ACSS3: variants seen among roughly 807,000 people sequenced by gnomAD.
The protein encoded by ACSS3 is acyl-CoA synthetase short chain family member 3, also known as acyl-CoA synthetase short-chain family member 3, mitochondrial.
In ACSS3, 64 loss-of-function variants were observed where a neutral mutation model predicts 84.2. The observed-to-expected ratio is 0.76, with a 90% CI of 0.62 to 0.94. The LOEUF (loss-of-function observed/expected upper bound fraction) is 0.94. ACSS3 is among the 40% of genes least tolerant of loss of function. The probability of loss-of-function intolerance (pLI) is 0.00; values close to 1 mark genes in which losing one functional copy is unlikely to be tolerated. For synonymous variants in ACSS3, 317 were observed against 310.1 expected, an observed-to-expected ratio of 1.02 and a Z score of -0.23; for missense variants, 815 against 867.6, an observed-to-expected ratio of 0.94 and a Z score of 0.76.
intron 5 of ACSS3, among the ~76,000 whole-genome samples, chr12:81,146,839 T>G (rs1279875662): frequency 2.0e-5 from 3 of 152,154 alleles, no homozygotes; most frequent in African/African-American, 7.2e-5. Context: ...TTGTTCAGTT[T>G]GATATCATAA....
At chr12:81,157,333 T>G (rs1195525619) in intron 7 of ACSS3, among the ~76,000 whole-genome samples, 4 of 152,170 alleles carry the variant, frequency 2.6e-5, no homozygotes, top group Admixed American at 2.6e-4. Flanking sequence ...ATCAGAAAAC[T>G]AGTAATTGAA....
chr12:81,178,599 A>C (rs982419940), intron 8 of ACSS3, among the ~76,000 whole-genome samples: 2 of 152,172 alleles, frequency 1.3e-5, no homozygotes, highest in Non-Finnish European at 2.9e-5. Context: ...GTAGGTGAAA[A>C]ATCTCTACAA....
chr12:81,095,043 T>A lies in ACSS3; in HGVS notation c.312-14517T>A, dbSNP rs1368922244. On this transcript the variant is annotated intron_variant, in intron 1 of 15. Coordinates refer to ENST00000548058, the MANE Select transcript of ACSS3 (RefSeq NM_024560.4). ...TGCTTCTGTTTTTTCCAACAAATAC[T>A]AGCTGTCATTAGGCAGAGTACACCC... Among the ~76,000 whole-genome samples, 8 of 152,308 alleles carry A rather than the reference T, an allele frequency of 5.3e-5. No individual in the cohort carries two copies. In the East Asian group the frequency reaches 1.5e-3, roughly 29 times the overall value.
chr12:81,181,355 C>T (rs529321901), intron 8 of ACSS3, among the ~76,000 whole-genome samples: 4 of 152,268 alleles, frequency 2.6e-5, no homozygotes, highest in African/African-American at 7.2e-5. Flanking sequence ...TGCACTCTGC[C>T]CAACCGATGC....
At chr12:81,149,527 C>A (rs1389132478) in intron 5 of ACSS3, among the ~76,000 whole-genome samples, 1 of 152,074 alleles carries the variant, frequency 6.6e-6, no homozygotes, top group African/African-American at 2.4e-5. Context: ...TGCACCATAT[C>A]AAATACTCAG....
rs553606649 is a variant in ACSS3, at chr12:81,218,357, C to T, written c.1450+1361C>T. ...TAGCTTTGGGAGACAAAATATGATT[C>T]CTAACATATGTTTCTTATTTGCATA... On this transcript the variant is annotated intron_variant, in intron 10 of 15. Transcript: ENST00000548058. Among the ~76,000 whole-genome samples the T allele has an allele frequency of 5.8e-4, 88 of 152,204 alleles. 3 individuals are homozygous for T. The South Asian group carries it at 0.017, about 30-fold the overall frequency.
intron 13 of ACSS3, among the ~76,000 whole-genome samples, chr12:81,235,468 TC>T (rs963760229): frequency 1.3e-5 from 2 of 151,332 alleles, no homozygotes; most frequent in Non-Finnish European, 3.0e-5. Context: ...CTATACTAGT[TC>T]CTTTAGGTAT....
At chr12:81,196,244 C>G (rs143128099) in intron 8 of ACSS3, among the ~76,000 whole-genome samples, 315 of 152,250 alleles carry the variant, frequency 2.1e-3, no homozygotes, top group African/African-American at 7.2e-3. Flanking sequence ...TGATCTACCT[C>G]TACACTCTCC....
intron 4 of ACSS3, 134 bp downstream of exon 4, chr12:81,139,399 A>AT (rs1419734101): frequency 9.7e-7 from 1 of 1,030,200 alleles, no homozygotes; most frequent in Non-Finnish European, 1.4e-6. Context: ...ATTTCTAAAA[A>AT]ATATATGAAT....
chr12:81,123,971 T>C (rs1884862844), intron 2 of ACSS3, among the ~76,000 whole-genome samples: 1 of 152,214 alleles, frequency 6.6e-6, no homozygotes, highest in Non-Finnish European at 1.5e-5. Context: ...ATTTATTTTC[T>C]ACCAAATATT....
intron 1 of ACSS3, among the ~76,000 whole-genome samples, chr12:81,094,938 T>C (rs140388608): frequency 7.1e-4 from 108 of 152,314 alleles, no homozygotes; most frequent in African/African-American, 2.5e-3. Flanking sequence ...ATCGTGCTGC[T>C]GCTGCTCTTT....
At chr12:81,111,854 A>G (rs148811722) in intron 2 of ACSS3, among the ~76,000 whole-genome samples, 106 of 152,304 alleles carry the variant, frequency 7.0e-4, no homozygotes, top group African/African-American at 2.5e-3. Context: ...TCCCTCTAGG[A>G]TGCAAACAAG....
intron 12 of ACSS3, among the ~76,000 whole-genome samples, chr12:81,232,412 T>C (rs938574446): frequency 6.6e-6 from 1 of 151,774 alleles, no homozygotes; most frequent in Admixed American, 6.6e-5. Flanking sequence ...GTTGAGTAAC[T>C]TCCCGTGAGT....
rs931328268 is a variant in ACSS3 at position 81,252,299 on chromosome 12, T to C, written c.1720-1008T>C. Among the ~76,000 whole-genome samples the C allele has an allele frequency of 2.0e-5, 3 of 152,296 alleles. No homozygotes were observed. The East Asian group carries it at 5.8e-4, about 29-fold the overall frequency. On this transcript the variant is annotated intron_variant, in intron 13 of 15. Transcript: ENST00000548058. ...CATTTAGAATAGATATTCATAATTATTTATTAATATCTGTCTCCACTACTA... is the reference window on the plus strand; with the variant it reads ...CATTTAGAATAGATATTCATAATTACTTATTAATATCTGTCTCCACTACTA...
intron 1 of ACSS3, among the ~76,000 whole-genome samples, chr12:81,099,691 A>G (rs1323803034): frequency 6.6e-6 from 1 of 152,082 alleles, no homozygotes; most frequent in African/African-American, 2.4e-5. Flanking sequence ...TCTCTGAAAA[A>G]TGGCTATCAT....
chr12:81,179,775 T>C (rs1229419767), intron 8 of ACSS3, among the ~76,000 whole-genome samples: 1 of 122,800 alleles, frequency 8.1e-6, no homozygotes, highest in African/African-American at 3.1e-5. Flanking sequence ...CGAGACTCCG[T>C]CTCAAAAAAA....
chr12:81,193,530 G>A (rs1212964583), intron 8 of ACSS3, among the ~76,000 whole-genome samples: 1 of 151,564 alleles, frequency 6.6e-6, no homozygotes, highest in Non-Finnish European at 1.5e-5. Context: ...AGGTGCATAG[G>A]TCTCATGCCC....
At chr12:81,142,771 G>A (rs1886153264) in intron 4 of ACSS3, among the ~76,000 whole-genome samples, 2 of 152,168 alleles carry the variant, frequency 1.3e-5, no homozygotes, top group Admixed American at 6.5e-5. Flanking sequence ...AGTTATTAGT[G>A]TACATACATC....
chr12:81,088,345 C>T lies in ACSS3; in HGVS notation c.311+9914C>T, dbSNP rs188806248. Among the ~76,000 whole-genome samples, 155 of 152,110 alleles carry T rather than the reference C, an allele frequency of 1.0e-3. 1 individual carries two copies. Among genetic ancestry groups the T allele is most frequent in the Admixed American group, 2.8e-3 (43 of 15,268 alleles). On this transcript the variant is annotated intron_variant, in intron 1 of 15. Transcript: ENST00000548058. The stretch of plus-strand genomic sequence containing the variant: ...ATCGTTACCGTATGGCATAATCCAG[C>T]CTGTCCTTACTGATTGAGGGGTAAA...
Sources: allele counts gnomAD v4.1 joint callset (sites outside exome capture counted in the v4.1 genomes callset), GRCh38; gene constraint gnomAD v4.1.1; transcripts MANE v1.5; gene names NCBI Gene and HGNC (gene_info 2026-07-23, HGNC 2026-07-21).